ZFHX4: variants seen among roughly 807,000 people sequenced by gnomAD.
ZFHX4 encodes the protein zinc finger homeobox 4.
ZFHX4 carries 56 observed loss-of-function variants against 267.6 expected under a neutral mutation model. The ratio of observed to expected loss-of-function variants is 0.21; its 90% CI spans 0.17 to 0.26. The LOEUF is 0.26. ZFHX4 is among the 10% of genes least tolerant of loss of function. The pLI is 1.00. For missense variants in ZFHX4, 4,332 were observed against 4,420.0 expected, an observed-to-expected ratio of 0.98 and a Z score of 0.56; for synonymous variants, 1,778 against 1,665.6, an observed-to-expected ratio of 1.07 and a Z score of -1.64.
intron 4 of ZFHX4, among the ~76,000 whole-genome samples, chr8:76,795,921 T>C (rs943857573): frequency 1.3e-5 from 2 of 152,168 alleles, no homozygotes; most frequent in Admixed American, 6.5e-5. Flanking sequence ...CTAAGTACCA[T>C]TGTAAAACCT....
chr8:76,746,971 A>G (rs1809475632), intron 3 of ZFHX4, among the ~76,000 whole-genome samples: 1 of 152,176 alleles, frequency 6.6e-6, no homozygotes, highest in Non-Finnish European at 1.5e-5. Context: ...CCGAATTCTG[A>G]CATGTTAAGG....
At chr8:76,749,664 C>A (rs543574443) in intron 3 of ZFHX4, among the ~76,000 whole-genome samples, 1 of 152,174 alleles carries the variant, frequency 6.6e-6, no homozygotes, top group African/African-American at 2.4e-5. Context: ...CTAATTTTTA[C>A]AATGTCTGTA....
rs1808269382 is a variant in ZFHX4, at chr8:76,706,318, C to T, written c.2230C>T (p.Pro744Ser). 1 of 1,614,038 alleles carries T rather than the reference C, an allele frequency of 6.2e-7. No individual in the cohort carries two copies. The highest frequency in any genetic ancestry group is 1.7e-5 in the Admixed American group (1 of 60,016). Residue 744 changes from proline to serine, a missense_variant, in exon 2 of 11, where the codon CCA becomes TCA. Around this residue, in one of 7 missense-constraint regions of ZFHX4, gnomAD observed 1,195 missense variants for 1,173.6 expected, o/e 1.02. Coordinates refer to ENST00000651372, the MANE Select transcript of ZFHX4 (RefSeq NM_024721.5). ...TGAGCAGGTGTTTGGCCACTCTGCCCCAGCCCCCAACACCAGCCTCAGTGG... is the reference window on the plus strand; with the variant it reads ...TGAGCAGGTGTTTGGCCACTCTGCCTCAGCCCCCAACACCAGCCTCAGTGG... Reference protein sequence around the residue: ...NGEQVFGHSAPAPNTSLSGCG... With the variant: ...NGEQVFGHSASAPNTSLSGCG...
Position 76,681,363 on chromosome 8 carries a change from C to G in ZFHX4, c.-304C>G, listed in dbSNP as rs1807523328. 2.5e-6 allele frequency: 1 copy of G among 398,886 alleles called. No homozygotes were observed. Among genetic ancestry groups the G allele is most frequent in the Admixed American group, 4.4e-5 (1 of 22,710 alleles). 24.7% of individuals were successfully genotyped at this position (398,886 alleles called of 1,614,324 possible). A position where few individuals can be genotyped will look rare whatever the true frequency, so the allele number is the denominator to read the frequency against. On this transcript the variant is annotated 5_prime_UTR_variant, in exon 1 of 11. Coordinates refer to ENST00000651372, the MANE Select transcript of ZFHX4 (RefSeq NM_024721.5). ...TCATTTCCTTTCCTCCTTTTCCCAA[C>G]CCCTTCACAACCAAACAGCGAGACC...
rs539407664 is a variant in ZFHX4, at chr8:76,860,165, A to G, written c.9380-2929A>G. 2.0e-5 allele frequency among the ~76,000 whole-genome samples: 3 copies of G among 152,126 alleles called. No individual in the cohort carries two copies. The East Asian group carries it at 5.8e-4, about 29-fold the overall frequency. ...TGGTTTTCTGGCTACTGATATTTTT[A>G]CTGCAAATTTTTATAGGCTTATTTA... is the stretch of plus-strand genomic sequence containing the variant. On this transcript the variant is annotated intron_variant, in intron 10 of 10. Transcript: ENST00000651372.
chr8:76,748,249 C>T (rs933692886), intron 3 of ZFHX4, among the ~76,000 whole-genome samples: 1 of 152,160 alleles, frequency 6.6e-6, no homozygotes, highest in African/African-American at 2.4e-5. Context: ...ATGTTCTGCT[C>T]TTTAGCTTCT....
intron 10 of ZFHX4, among the ~76,000 whole-genome samples, chr8:76,862,361 C>T (rs931860912): frequency 5.9e-5 from 9 of 152,182 alleles, no homozygotes; most frequent in Non-Finnish European, 1.2e-4. Flanking sequence ...GTAAAGTTGA[C>T]TGTTAATATA....
chr8:76,712,620 T>C (rs893772283), intron 3 of ZFHX4, among the ~76,000 whole-genome samples: 3 of 152,192 alleles, frequency 2.0e-5, no homozygotes, highest in Non-Finnish European at 4.4e-5. Flanking sequence ...GAAAAAAAAT[T>C]GGAATATGTG....
intron 3 of ZFHX4, among the ~76,000 whole-genome samples, chr8:76,717,355 G>A (rs576473289): frequency 6.6e-6 from 1 of 152,216 alleles, no homozygotes; most frequent in Non-Finnish European, 1.5e-5. Flanking sequence ...AGTCTTGATA[G>A]AACTACTTGT....
intron 3 of ZFHX4, among the ~76,000 whole-genome samples, chr8:76,772,311 A>G (rs1372917186): frequency 2.0e-5 from 3 of 152,130 alleles, no homozygotes; most frequent in Non-Finnish European, 4.4e-5. Flanking sequence ...ATGCTAAGAT[A>G]GCTTTTATAG....
In ZFHX4 at chr8:76,704,194, G is replaced by T. The variant is rs760275008; in HGVS notation, c.106G>T (p.Ala36Ser). 9 of 1,614,002 alleles carry T rather than the reference G, an allele frequency of 5.6e-6. No homozygotes were observed. The highest frequency in any genetic ancestry group is 4.5e-5 in the East Asian group (2 of 44,874). ...QLDNEVPEKV[A>S]GMEPDRENSS... is the part of the protein sequence containing the mutation. Reference sequence around the variant, plus strand: ...TGATAATGAGGTGCCAGAGAAAGTTGCAGGGATGGAGCCTGACAGGGAAAA... The same window carrying T: ...TGATAATGAGGTGCCAGAGAAAGTTTCAGGGATGGAGCCTGACAGGGAAAA... Residue 36 changes from alanine to serine, a missense_variant, in exon 2 of 11, where the codon GCA becomes TCA. By Grantham distance (99) the Ala-to-Ser change is moderately conservative. Around this residue, in one of 7 missense-constraint regions of ZFHX4, gnomAD observed 1,195 missense variants for 1,173.6 expected, o/e 1.02. Coordinates refer to ENST00000651372, the MANE Select transcript of ZFHX4 (RefSeq NM_024721.5).
Position 76,855,596 on chromosome 8 carries a change from C to A in ZFHX4, c.8675C>A (p.Pro2892Gln). 1.9e-6 allele frequency: 3 copies of A among 1,613,804 alleles called. No homozygotes were observed. Among genetic ancestry groups the A allele is most frequent in the Non-Finnish European group, 2.5e-6 (3 of 1,179,798 alleles). ...HDQSFYITDD[P>Q]DDNADRSETS... The stretch of plus-strand genomic sequence containing the variant: ...CAAAGCTTTTACATCACAGATGACC[C>A]GGATGACAACGCCGACCGCAGCGAA... Residue 2892 changes from proline to glutamine, a missense_variant, in exon 10 of 11, where the codon CCG (proline) becomes CAG (glutamine). By Grantham distance (76) the Pro-to-Gln change is moderately conservative. Around this residue, in one of 7 missense-constraint regions of ZFHX4, gnomAD observed 1,648 missense variants for 1,625.0 expected, o/e 1.01. Coordinates refer to ENST00000651372, the MANE Select transcript of ZFHX4 (RefSeq NM_024721.5).
chr8:76,849,845 A>G (rs1412581303), intron 8 of ZFHX4, 133 bp downstream of exon 8: 1 of 1,011,476 alleles, frequency 9.9e-7, no homozygotes, highest in East Asian at 2.6e-5. Flanking sequence ...CTCGTGTTAT[A>G]GTAGTCACAC....
chr8:76,813,270 TA>T (rs1172613857), intron 4 of ZFHX4, among the ~76,000 whole-genome samples: 1 of 152,130 alleles, frequency 6.6e-6, no homozygotes, highest in Non-Finnish European at 1.5e-5. Context: ...TAAACTTTTC[TA>T]AAGGCACCTT....
Position 76,851,566 on chromosome 8 carries a change from T to A in ZFHX4, c.4645T>A (p.Ser1549Thr). Residue 1549 changes from serine to threonine, a missense_variant, in exon 10 of 11, where the codon TCA becomes ACA. Transcript: ENST00000651372. Reference sequence around the variant, plus strand: ...ATATAAATGTACAGTGTGTAAAGAGTCATTCACCCAAAAGAACATTCTCTT... The same window carrying A: ...ATATAAATGTACAGTGTGTAAAGAGACATTCACCCAAAAGAACATTCTCTT... The part of the protein sequence containing the change: ...RPYKCTVCKE[S>T]FTQKNILLVH... The A allele has an allele frequency of 6.2e-7, 1 of 1,613,532 alleles. No individual in the cohort carries two copies. The highest frequency in any genetic ancestry group is 8.5e-7 in the Non-Finnish European group (1 of 1,179,820).
At position 76,704,784 on chromosome 8, in the gene ZFHX4, C is replaced by T; in HGVS notation, c.696C>T (p.Leu232=). ...TGCACAGTTTCCGTGTCTATGATCT[C>T]CGACACAAGAGAGAGAAAGACTATC... is the stretch of plus-strand genomic sequence containing the variant. ...PVLHSFRVYD[L]RHKREKDYLT... is the part of the protein sequence containing the mutation. The change falls in exon 2 of 11, where the codon CTC becomes CTT. Residue 232 remains leucine (L), a synonymous_variant. Transcript: ENST00000651372. 2 of 1,614,034 alleles carry T rather than the reference C, an allele frequency of 1.2e-6. No individual in the cohort carries two copies. Among genetic ancestry groups the T allele is most frequent in the Non-Finnish European group, 8.5e-7 (1 of 1,179,920 alleles).
intron 4 of ZFHX4, among the ~76,000 whole-genome samples, chr8:76,781,086 AGTTTATCT>A (rs1810534814): frequency 6.6e-6 from 1 of 152,018 alleles, no homozygotes; most frequent in Non-Finnish European, 1.5e-5. Context: ...TGTGTGGTTG[AGTTTATCT>A]GATTACTTCA....
chr8:76,761,797 T>C (rs1809921008), intron 3 of ZFHX4, among the ~76,000 whole-genome samples: 2 of 152,176 alleles, frequency 1.3e-5, no homozygotes, highest in African/African-American at 4.8e-5. Flanking sequence ...ATGTCTCCAC[T>C]TTGACTGCTT....
At chr8:76,806,789 GT>G (rs1811256747) in intron 4 of ZFHX4, among the ~76,000 whole-genome samples, 2 of 151,638 alleles carry the variant, frequency 1.3e-5, no homozygotes. Context: ...GATTTTTTTT[GT>G]TTTTGTTATT....
Sources: gnomAD v4.1 joint callset for allele counts (sites outside exome capture counted in the v4.1 genomes callset) on GRCh38, gnomAD v4.1.1 for gene constraint, gnomAD v4.1.1 regional missense constraint, MANE v1.5 for transcripts, NCBI Gene and HGNC (gene_info 2026-07-23, HGNC 2026-07-21) for gene names.